Variants in SAMMSON observed in about 807,000 individuals in gnomAD.
SAMMSON encodes the protein long intergenic non-protein coding RNA 1212.
At chr3:70,306,023 C>G (rs1174106926) in intron 7 of SAMMSON, among the ~76,000 whole-genome samples, 3 of 152,184 alleles carry the variant, frequency 2.0e-5, no homozygotes, top group Non-Finnish European at 2.9e-5. Flanking sequence ...TGCCAAAACA[C>G]TGATGATGTA....
intron 4 of SAMMSON, among the ~76,000 whole-genome samples, chr3:70,106,699 C>T (rs1230702359): frequency 6.6e-6 from 1 of 152,088 alleles, no homozygotes; most frequent in Non-Finnish European, 1.5e-5. Flanking sequence ...CTGGACCACA[C>T]ATGGGGAGGC....
chr3:70,074,735 G>A (rs1188264869), intron 4 of SAMMSON, among the ~76,000 whole-genome samples: 1 of 152,004 alleles, frequency 6.6e-6, no homozygotes, highest in Admixed American at 6.6e-5. Flanking sequence ...TACATAGTGT[G>A]CATGTCCCCC....
intron 6 of SAMMSON, among the ~76,000 whole-genome samples, chr3:70,266,607 A>AT (rs1159131485): frequency 4.6e-5 from 7 of 151,472 alleles, no homozygotes; most frequent in Non-Finnish European, 1.0e-4. Context: ...TTTATTTTTA[A>AT]TTTTTTTATT....
intron 7 of SAMMSON, chr3:70,302,827 T>C (rs995339377): frequency 6.6e-6 from 1 of 152,190 alleles, no homozygotes; most frequent in African/African-American, 2.4e-5. Flanking sequence ...ACATGGCATC[T>C]TGTAGGCCTT....
At chr3:70,239,202 C>T (rs935199345) in intron 4 of SAMMSON, among the ~76,000 whole-genome samples, 2 of 152,160 alleles carry the variant, frequency 1.3e-5, no homozygotes, top group African/African-American at 4.8e-5. Context: ...AGTACGTACT[C>T]AGTTCAACTA....
chr3:70,216,904 T>C (rs1277568681), intron 4 of SAMMSON, among the ~76,000 whole-genome samples: 1 of 152,134 alleles, frequency 6.6e-6, no homozygotes, highest in Admixed American at 6.6e-5. Flanking sequence ...CAACCTATTA[T>C]GCACAGGGAC....
chr3:70,083,369 G>T (rs1425120301), intron 4 of SAMMSON, among the ~76,000 whole-genome samples: 1 of 152,082 alleles, frequency 6.6e-6, no homozygotes, highest in African/African-American at 2.4e-5. Context: ...CTCTCTTCTT[G>T]TTCAAGCCAG....
intron 7 of SAMMSON, among the ~76,000 whole-genome samples, chr3:70,318,589 G>A (rs1450163832): frequency 6.6e-6 from 1 of 151,766 alleles, no homozygotes; most frequent in African/African-American, 2.4e-5. Flanking sequence ...CTAGTTTAAA[G>A]TCACTTTCTG....
At chr3:70,373,444 A>G (rs1702987039) in intron 9 of SAMMSON, among the ~76,000 whole-genome samples, 1 of 151,870 alleles carries the variant, frequency 6.6e-6, no homozygotes, top group Non-Finnish European at 1.5e-5. Context: ...GTCTTGGTGT[A>G]TATTTATTTA....
At chr3:70,071,363 G>A (rs373838847) in intron 3 of SAMMSON, 3 of 152,042 alleles carry the variant, frequency 2.0e-5, no homozygotes, top group Non-Finnish European at 4.4e-5. Context: ...TCTATGAACC[G>A]AAAGAAATAG....
At chr3:70,379,237 C>T (rs908778425) in intron 9 of SAMMSON, among the ~76,000 whole-genome samples, 35 of 152,138 alleles carry the variant, frequency 2.3e-4, no homozygotes, top group African/African-American at 7.5e-4. Flanking sequence ...TGGTCTCAAG[C>T]GCCTGACCTC....
intron 3 of SAMMSON, among the ~76,000 whole-genome samples, chr3:70,063,541 C>G (rs1381164405): frequency 2.6e-5 from 4 of 152,100 alleles, no homozygotes; most frequent in African/African-American, 9.7e-5. Context: ...GCAAACATAG[C>G]TGCAAAGAAT....
intron 4 of SAMMSON, among the ~76,000 whole-genome samples, chr3:70,170,556 A>G (rs1273399220): frequency 6.7e-6 from 1 of 150,318 alleles, no homozygotes; most frequent in Non-Finnish European, 1.5e-5. Context: ...TTTTAAACAG[A>G]ATCACTTGCA....
intron 2 of SAMMSON, among the ~76,000 whole-genome samples, chr3:70,409,933 G>A (rs1234294097): frequency 6.6e-6 from 1 of 152,086 alleles, no homozygotes; most frequent in African/African-American, 2.4e-5. Context: ...TCCAGGTAGT[G>A]AGCATAATAC....
intron 9 of SAMMSON, among the ~76,000 whole-genome samples, chr3:70,365,272 C>G (rs1322298351): frequency 6.6e-6 from 1 of 151,306 alleles, no homozygotes. Flanking sequence ...AAACCAATAT[C>G]TGGGTACTAG....
At chr3:70,391,026 A>G (rs546075345), downstream of SAMMSON, among the ~76,000 whole-genome samples, 63 of 152,288 alleles carry the variant, frequency 4.1e-4, no homozygotes, top group African/African-American at 1.5e-3. Context: ...ATGTTACCAC[A>G]TTTCATCATG....
intron 2 of SAMMSON, among the ~76,000 whole-genome samples, chr3:70,406,484 A>T (rs1701179315): frequency 6.6e-6 from 1 of 152,186 alleles, no homozygotes; most frequent in Non-Finnish European, 1.5e-5. Context: ...GGTTTTAAAC[A>T]TTTTTTAAAA....
chr3:70,029,179 T>C (rs2067054820), intron 3 of SAMMSON, among the ~76,000 whole-genome samples: 1 of 152,194 alleles, frequency 6.6e-6, no homozygotes, highest in South Asian at 2.1e-4. Context: ...GCCCAGTGCA[T>C]TGGTTTTTAT....
intron 4 of SAMMSON, among the ~76,000 whole-genome samples, chr3:70,096,836 T>A (rs1016283205): frequency 6.6e-6 from 1 of 152,198 alleles, no homozygotes; most frequent in Non-Finnish European, 1.5e-5. Flanking sequence ...GATCAAACCC[T>A]GTTCTGTGTA....
Sources: allele counts gnomAD v4.1 joint callset (sites outside exome capture counted in the v4.1 genomes callset), GRCh38; gene constraint gnomAD v4.1.1; transcripts MANE v1.5; gene names NCBI Gene and HGNC (gene_info 2026-07-23, HGNC 2026-07-21).